Variants in KCNIP4 observed in about 807,000 individuals in gnomAD.
KCNIP4 encodes Kv channel-interacting protein 4.
A neutral mutation model predicts 34.0 loss-of-function variants in KCNIP4; 12 were observed. That is an observed-to-expected ratio of 0.35 (90% CI 0.23 to 0.57). The LOEUF is 0.57. Among genes scored for constraint, KCNIP4 ranks in the 20% least tolerant of loss-of-function variants. The pLI is 0.83. For missense variants in KCNIP4, 238 were observed against 311.7 expected (o/e 0.76, Z 1.78); for synonymous variants, 124 against 102.2 (o/e 1.21, Z -1.29).
chr4:21,802,913 G>A (rs1721085134), intron 1 of KCNIP4, among the ~76,000 whole-genome samples: 1 of 151,974 alleles, frequency 6.6e-6, no homozygotes, highest in African/African-American at 2.4e-5. Context: ...TACTGATCCT[G>A]GAATTTTTTT....
chr4:21,869,775 T>TAGAC (rs1325814468), intron 1 of KCNIP4, among the ~76,000 whole-genome samples: 175 of 87,638 alleles, frequency 2.0e-3, no homozygotes, highest in East Asian at 4.5e-3. Flanking sequence ...GATAGATAGA[T>TAGAC]AGATAGATAG....
intron 1 of KCNIP4, among the ~76,000 whole-genome samples, chr4:20,928,337 C>A (rs1003881933): frequency 3.9e-4 from 58 of 150,224 alleles, no homozygotes; most frequent in African/African-American, 1.4e-3. Flanking sequence ...GGAAAATCCA[C>A]AAATACATGA....
intron 1 of KCNIP4, among the ~76,000 whole-genome samples, chr4:21,009,707 T>G (rs1383640628): frequency 6.6e-6 from 1 of 152,244 alleles, no homozygotes; most frequent in Non-Finnish European, 1.5e-5. Flanking sequence ...TCCAAGTTCC[T>G]AGGGCATTTT....
rs564478144 is a variant in KCNIP4, at chr4:21,905,623, C to T, written c.61+42948G>A. On this transcript the variant is annotated intron_variant, in intron 1 of 8. Transcript: ENST00000382152. Reference sequence around the variant, plus strand: ...ATCGCAAGGACAAAAAACCAAACACCGGATGTTCTCACTCATAGGCTATCA... The same window carrying T: ...ATCGCAAGGACAAAAAACCAAACACTGGATGTTCTCACTCATAGGCTATCA... 5.3e-5 allele frequency among the ~76,000 whole-genome samples: 8 copies of T among 152,136 alleles called. No individual in the cohort carries two copies. The South Asian group carries it at 1.2e-3, about 24-fold the overall frequency.
intron 2 of KCNIP4, among the ~76,000 whole-genome samples, chr4:20,874,714 G>C (rs1027608350): frequency 6.7e-6 from 1 of 150,288 alleles, no homozygotes; most frequent in African/African-American, 2.4e-5. Flanking sequence ...GGAAGATAGA[G>C]ATTATAACCC....
At chr4:21,456,119 T>C (rs1369489553) in intron 1 of KCNIP4, among the ~76,000 whole-genome samples, 1 of 146,988 alleles carries the variant, frequency 6.8e-6, no homozygotes, top group Non-Finnish European at 1.5e-5. Flanking sequence ...ATTTCTTCTA[T>C]GTCTTCTCTG....
chr4:20,902,584 A>G (rs112749352), intron 1 of KCNIP4, among the ~76,000 whole-genome samples: 1,774 of 152,176 alleles, frequency 0.012, 27 homozygotes, highest in South Asian at 0.071. Context: ...CAATGGCATA[A>G]TCTTGGCTCA....
chr4:21,372,367 T>TAGAC (rs1261605798), intron 1 of KCNIP4, among the ~76,000 whole-genome samples: 7 of 145,672 alleles, frequency 4.8e-5, no homozygotes, highest in South Asian at 4.3e-4. Context: ...GATAGATAGA[T>TAGAC]AGATAGATAG....
chr4:21,760,484 T>C (rs1231088863), intron 1 of KCNIP4, among the ~76,000 whole-genome samples: 3 of 152,148 alleles, frequency 2.0e-5, no homozygotes, highest in Non-Finnish European at 2.9e-5. Context: ...ATTTGTTCAA[T>C]AAAACAGGCA....
chr4:21,307,216 T>A lies in KCNIP4; in HGVS notation c.62-424507A>T, dbSNP rs143335174. Among the ~76,000 whole-genome samples the A allele has an allele frequency of 1.5e-3, 227 of 152,198 alleles. 1 individual carries two copies. The highest frequency in any genetic ancestry group is 5.3e-3 in the African/African-American group (221 of 41,536). On this transcript the variant is annotated intron_variant, in intron 1 of 8. Transcript: ENST00000382152. ...AAAATTACGGGTTCCTTTGCTGTTA[T>A]GTTTTTCATCCCAAGGCCTGAGGGT...
intron 1 of KCNIP4, among the ~76,000 whole-genome samples, chr4:21,558,974 A>G (rs1206494580): frequency 6.6e-6 from 1 of 152,198 alleles, no homozygotes; most frequent in African/African-American, 2.4e-5. Flanking sequence ...TGAACCCATA[A>G]TGCATAAGGG....
At chr4:21,505,828 TGTG>T (rs1260089313) in intron 1 of KCNIP4, among the ~76,000 whole-genome samples, 1 of 152,090 alleles carries the variant, frequency 6.6e-6, no homozygotes, top group Non-Finnish European at 1.5e-5. Flanking sequence ...CTAGGCCAGA[TGTG>T]GTGGCTCATG....
chr4:21,152,182 G>C (rs1202769049), intron 1 of KCNIP4, among the ~76,000 whole-genome samples: 1 of 152,102 alleles, frequency 6.6e-6, no homozygotes, highest in Admixed American at 6.5e-5. Context: ...GAACCTGGGA[G>C]GCAGAGGTTG....
At chr4:21,704,574 A>G (rs1466733672) in intron 1 of KCNIP4, among the ~76,000 whole-genome samples, 1 of 152,190 alleles carries the variant, frequency 6.6e-6, no homozygotes, top group Non-Finnish European at 1.5e-5. Flanking sequence ...TTCACCACAA[A>G]GGTAAAACAG....
At chr4:21,192,037 A>C (rs958284427) in intron 1 of KCNIP4, among the ~76,000 whole-genome samples, 2 of 152,178 alleles carry the variant, frequency 1.3e-5, no homozygotes, top group Non-Finnish European at 2.9e-5. Context: ...ACATGAATTG[A>C]TTTTGAATCC....
intron 1 of KCNIP4, among the ~76,000 whole-genome samples, chr4:21,516,671 TG>T (rs1259198377): frequency 3.3e-5 from 5 of 152,180 alleles, no homozygotes; most frequent in African/African-American, 9.7e-5. Context: ...TGTGGAGTTG[TG>T]TCTGGGAAGA....
chr4:21,001,909 G>T (rs1738173084), intron 1 of KCNIP4, among the ~76,000 whole-genome samples: 1 of 151,836 alleles, frequency 6.6e-6, no homozygotes, highest in African/African-American at 2.4e-5. Context: ...CAAAGTAGAA[G>T]GCATTTTTCT....
chr4:21,885,359 C>T (rs1191512429), intron 1 of KCNIP4, among the ~76,000 whole-genome samples: 1 of 152,096 alleles, frequency 6.6e-6, no homozygotes, highest in African/African-American at 2.4e-5. Flanking sequence ...ATGAAAAATA[C>T]AGATGCCATA....
intron 1 of KCNIP4, among the ~76,000 whole-genome samples, chr4:21,356,396 C>A (rs918053677): frequency 1.3e-5 from 2 of 151,976 alleles, no homozygotes; most frequent in African/African-American, 4.8e-5. Flanking sequence ...TGCAGATGCA[C>A]GATTGCATAT....
Sources: gnomAD v4.1 joint callset for allele counts (sites outside exome capture counted in the v4.1 genomes callset) on GRCh38, gnomAD v4.1.1 for gene constraint, MANE v1.5 for transcripts, NCBI Gene and HGNC (gene_info 2026-07-23, HGNC 2026-07-21) for gene names.